Variants in ANKS1B observed in about 807,000 individuals in gnomAD.
The protein encoded by ANKS1B is ankyrin repeat and sterile alpha motif domain containing 1B, also known as ankyrin repeat and sterile alpha motif domain-containing protein 1B.
A neutral mutation model predicts 148.3 loss-of-function variants in ANKS1B; 36 were observed. The observed-to-expected ratio is 0.24, with a 90% confidence interval of 0.19 to 0.32. ANKS1B has a LOEUF of 0.32. Ranked by LOEUF, ANKS1B falls within the 10% of genes least tolerant of loss-of-function variation. The pLI, the probability that ANKS1B is intolerant of heterozygous loss-of-function variation, is 1.00. For synonymous variants in ANKS1B, 542 were observed against 560.8 expected, an observed-to-expected ratio of 0.97 and a Z score of 0.47; for missense variants, 1,157 against 1,542.6, an observed-to-expected ratio of 0.75 and a Z score of 4.19.
chr12:98,871,970 CT>C (rs1466366312), intron 17 of ANKS1B, among the ~76,000 whole-genome samples: 17 of 152,018 alleles, frequency 1.1e-4, no homozygotes, highest in Non-Finnish European at 2.1e-4. Context: ...CGAAACAGAG[CT>C]ACACAGGAAA....
intron 15 of ANKS1B, among the ~76,000 whole-genome samples, chr12:99,141,984 C>A (rs2071000845): frequency 6.6e-6 from 1 of 151,990 alleles, no homozygotes; most frequent in African/African-American, 2.4e-5. Flanking sequence ...ATGGAGCAAG[C>A]TTTCTAAACA....
At chr12:99,708,830 G>A (rs1254183595) in intron 8 of ANKS1B, among the ~76,000 whole-genome samples, 5 of 152,060 alleles carry the variant, frequency 3.3e-5, no homozygotes, top group Non-Finnish European at 4.4e-5. Flanking sequence ...ACAGTTTCCA[G>A]GAATTCCAAC....
At chr12:99,622,252 G>T (rs916565370) in intron 9 of ANKS1B, among the ~76,000 whole-genome samples, 3 of 151,876 alleles carry the variant, frequency 2.0e-5, no homozygotes, top group Non-Finnish European at 2.9e-5. Context: ...ACTGTTAGTA[G>T]GAAAGTTTAT....
intron 8 of ANKS1B, among the ~76,000 whole-genome samples, chr12:99,734,957 T>A (rs937848056): frequency 1.3e-5 from 2 of 152,188 alleles, no homozygotes; most frequent in Non-Finnish European, 2.9e-5. Context: ...CCTCCTTCTA[T>A]GTTCTCTATT....
chr12:99,161,898 G>A (rs2153830581), intron 14 of ANKS1B, among the ~76,000 whole-genome samples: 1 of 152,236 alleles, frequency 6.6e-6, no homozygotes, highest in East Asian at 1.9e-4. Context: ...TATAACCACT[G>A]CCATCCCAAA....
intron 2 of ANKS1B, among the ~76,000 whole-genome samples, chr12:99,817,166 C>CAT (rs2069304760): frequency 4.9e-5 from 1 of 20,392 alleles, no homozygotes; most frequent in African/African-American, 2.9e-4. Flanking sequence ...TCTTCTCCCC[C>CAT]CCCCCTTTCC....
chr12:99,251,946 C>A (rs899098699), intron 12 of ANKS1B, among the ~76,000 whole-genome samples: 1 of 152,058 alleles, frequency 6.6e-6, no homozygotes, highest in Admixed American at 6.6e-5. Context: ...CAATGTCCTG[C>A]CTTCATGGTG....
intron 20 of ANKS1B, among the ~76,000 whole-genome samples, chr12:98,806,905 T>G (rs1231468890): frequency 6.6e-6 from 1 of 152,182 alleles, no homozygotes; most frequent in Non-Finnish European, 1.5e-5. Context: ...ATAGACACCA[T>G]GGTCCTCAAG....
chr12:99,204,045 G>T (rs1279257541), intron 14 of ANKS1B, among the ~76,000 whole-genome samples: 1 of 147,062 alleles, frequency 6.8e-6, no homozygotes, highest in African/African-American at 2.5e-5. Context: ...AATATTGGAC[G>T]GTTGGTTGAA....
intron 10 of ANKS1B, among the ~76,000 whole-genome samples, chr12:99,465,356 C>T (rs1187767624): frequency 6.6e-6 from 1 of 152,160 alleles, no homozygotes; most frequent in Non-Finnish European, 1.5e-5. Flanking sequence ...TTGTAAAGAC[C>T]ATCGAGGCTA....
intron 1 of ANKS1B, among the ~76,000 whole-genome samples, chr12:99,907,068 C>T (rs2093810586): frequency 1.3e-5 from 2 of 152,152 alleles, no homozygotes. Context: ...CAAGAACAGG[C>T]ATTAAAGCAA....
In ANKS1B at chr12:99,723,850, G is replaced by C. The variant is rs114238165; in HGVS notation, c.1128+49072C>G. Among the ~76,000 whole-genome samples the C allele has an allele frequency of 8.4e-3, 1,277 of 152,156 alleles. 23 individuals are homozygous for C. Among genetic ancestry groups the C allele is most frequent in the African/African-American group, 0.03 (1,227 of 41,512 alleles). The stretch of plus-strand genomic sequence containing the variant: ...AGTGACTGGCTCCAGGCACAGGAGC[G>C]AGCCAGATGAATAGTGCCTGAAGTG... On this transcript the variant is annotated intron_variant, in intron 8 of 26. Coordinates refer to ENST00000683438, the MANE Select transcript of ANKS1B (RefSeq NM_001352186.2).
chr12:99,307,575 G>A (rs1385705268), intron 12 of ANKS1B, among the ~76,000 whole-genome samples: 1 of 152,066 alleles, frequency 6.6e-6, no homozygotes, highest in Non-Finnish European at 1.5e-5. Flanking sequence ...CATTTTATGG[G>A]AAAATGAGAA....
chr12:99,672,920 A>G (rs1257070506), intron 8 of ANKS1B, among the ~76,000 whole-genome samples: 3 of 152,170 alleles, frequency 2.0e-5, no homozygotes, highest in Non-Finnish European at 2.9e-5. Context: ...AAACTGGTTG[A>G]AATAAGAAAA....
chr12:99,788,449 C>G (rs1333109870), intron 4 of ANKS1B, among the ~76,000 whole-genome samples: 3 of 152,012 alleles, frequency 2.0e-5, no homozygotes, highest in African/African-American at 4.8e-5. Context: ...GCTCTTGGAG[C>G]CTAAATAAGC....
chr12:98,894,624 A>G (rs2099759933), intron 17 of ANKS1B: 1 of 983,444 alleles, frequency 1.0e-6, no homozygotes, highest in Non-Finnish European at 1.2e-6. Flanking sequence ...CTGTGCCGCT[A>G]CTCACCCGAG....
chr12:98,880,090 T>C (rs1484396014), intron 17 of ANKS1B, among the ~76,000 whole-genome samples: 1 of 152,216 alleles, frequency 6.6e-6, no homozygotes, highest in Non-Finnish European at 1.5e-5. Flanking sequence ...GTATTCTTCA[T>C]ATCCACTAGG....
chr12:99,649,294 G>A (rs2098402586), intron 9 of ANKS1B: 1 of 1,613,502 alleles, frequency 6.2e-7, no homozygotes, highest in African/African-American at 1.3e-5. Context: ...CTAGGGATAT[G>A]CCATGAAGTT....
chr12:99,700,944 TCTTA>T (rs2153520105), intron 8 of ANKS1B, among the ~76,000 whole-genome samples: 1 of 152,306 alleles, frequency 6.6e-6, no homozygotes, highest in East Asian at 1.9e-4. Flanking sequence ...GGTGCTTATC[TCTTA>T]CTTGTAATAT....
Sources: allele counts gnomAD v4.1 joint callset (sites outside exome capture counted in the v4.1 genomes callset), GRCh38; gene constraint gnomAD v4.1.1; transcripts MANE v1.5; gene names NCBI Gene and HGNC (gene_info 2026-07-23, HGNC 2026-07-21).